Variants in ATIC observed in about 807,000 individuals in gnomAD.
The protein encoded by ATIC is bifunctional purine biosynthesis protein ATIC.
A neutral mutation model predicts 72.5 loss-of-function variants in ATIC; 64 were observed. The observed-to-expected ratio is 0.88, with a 90% CI of 0.72 to 1.09. ATIC has a LOEUF of 1.09. Ranked by LOEUF, ATIC falls within the 50% of genes least tolerant of loss-of-function variation. The pLI is 0.00. For missense variants in ATIC, 787 were observed against 732.4 expected (o/e 1.07, Z -0.86); for synonymous variants, 281 against 267.1 (o/e 1.05, Z -0.51).
intron 2 of ATIC, among the ~76,000 whole-genome samples, chr2:215,316,819 G>T (rs2052714716): frequency 6.6e-6 from 1 of 152,092 alleles, no homozygotes; most frequent in East Asian, 1.9e-4. Context: ...TTGAAATGCA[G>T]TGGCACAATC....
chr2:215,338,894 C>A lies in ATIC; in HGVS notation c.1214C>A (p.Thr405Asn). The change falls in exon 12 of 16, where the codon ACC (threonine) becomes AAC (asparagine). Residue 405 changes from threonine (T) to asparagine (N), a missense_variant. By Grantham distance (65) the Thr-to-Asn change is moderately conservative (BLOSUM62 0). Transcript: ENST00000236959. ...AAGTCATTATTTAGCAATGTTGTTA[C>A]CAAAAATAAAGATGTAAGTTGGGAA... is the stretch of plus-strand genomic sequence containing the variant. ...VDKSLFSNVV[T>N]KNKDLPESAL... The A allele has an allele frequency of 6.2e-7, 1 of 1,613,392 alleles. No homozygotes were observed. Among genetic ancestry groups the A allele is most frequent in the South Asian group, 1.1e-5 (1 of 91,040 alleles).
chr2:215,357,082 C>T, the ATIC span, among the ~76,000 whole-genome samples: 8 of 152,166 alleles, frequency 5.3e-5, no homozygotes, highest in Non-Finnish European at 1.0e-4. Flanking sequence ...CCACCATCGC[C>T]GTACATTTTT....
chr2:215,336,255 G>A (rs139816285), intron 11 of ATIC, 131 bp downstream of exon 11: 2 of 737,298 alleles, frequency 2.7e-6, no homozygotes, highest in Admixed American at 5.2e-5. Context: ...CCCCAATCCT[G>A]CATTTAAAAA....
the ATIC span, chr2:215,367,625 A>G: frequency 1.9e-6 from 1 of 539,744 alleles, no homozygotes; most frequent in Non-Finnish European, 3.3e-6. Context: ...CCATAATCTT[A>G]TGTGTAATTA....
intron 14 of ATIC, among the ~76,000 whole-genome samples, chr2:215,348,141 T>A (rs1188948767): frequency 2.0e-5 from 3 of 152,198 alleles, no homozygotes; most frequent in African/African-American, 7.2e-5. Flanking sequence ...GCCTTATACT[T>A]CTTAATACTG....
At chr2:215,358,703 C>T in the ATIC span, among the ~76,000 whole-genome samples, 3 of 152,130 alleles carry the variant, frequency 2.0e-5, no homozygotes, top group African/African-American at 4.8e-5. Context: ...ATTTGCTATT[C>T]GTTTACTTCA....
At chr2:215,334,100 T>C (rs1207715067) in intron 9 of ATIC, among the ~76,000 whole-genome samples, 1 of 151,982 alleles carries the variant, frequency 6.6e-6, no homozygotes, top group Non-Finnish European at 1.5e-5. Context: ...CAATTGGAAT[T>C]TGGTCAATGT....
In ATIC at chr2:215,333,383, A is replaced by G. The variant is rs769666403; in HGVS notation, c.848A>G (p.Glu283Gly). 6.2e-7 allele frequency: 1 copy of G among 1,614,194 alleles called. No homozygotes were observed. Among genetic ancestry groups the G allele is most frequent in the East Asian group, 2.2e-5 (1 of 44,880 alleles). ...GTTGGAATTCCACTCAGTGAAGATGAGGCCAAAGTCTGCATGGTTTATGAT... is the reference window on the plus strand; with the variant it reads ...GTTGGAATTCCACTCAGTGAAGATGGGGCCAAAGTCTGCATGGTTTATGAT... ...AAVGIPLSEDEAKVCMVYDLY... is the reference protein window; with the variant it reads ...AAVGIPLSEDGAKVCMVYDLY... Residue 283 changes from glutamate (E) to glycine (G), a missense_variant, in exon 9 of 16, where the codon GAG becomes GGG. Coordinates refer to ENST00000236959, the MANE Select transcript of ATIC (RefSeq NM_004044.7).
intron 6 of ATIC, 52 bp from the exon 7 acceptor site, chr2:215,326,770 C>T (rs545258585): frequency 5.5e-5 from 89 of 1,609,728 alleles, no homozygotes; most frequent in Non-Finnish European, 7.3e-5. Flanking sequence ...ACCATCTTGT[C>T]CCCACTTTGG....
the ATIC span, among the ~76,000 whole-genome samples, chr2:215,366,267 A>T: frequency 6.6e-6 from 1 of 152,142 alleles, no homozygotes; most frequent in African/African-American, 2.4e-5. Flanking sequence ...CACTATTAAG[A>T]TTTAAAATTG....
chr2:215,349,069 TCTTC>T (rs1432082895), intron 14 of ATIC, 21 bp from the exon 15 acceptor site: 1 of 1,613,970 alleles, frequency 6.2e-7, no homozygotes, highest in Non-Finnish European at 8.5e-7. Flanking sequence ...AGACCAAGCT[TCTTC>T]CTTTCTCTCT....
the ATIC span, chr2:215,368,063 T>G: frequency 6.2e-7 from 1 of 1,606,908 alleles, no homozygotes; most frequent in East Asian, 2.2e-5. Flanking sequence ...AAAAGAGACA[T>G]CTTATTAATC....
intron 4 of ATIC, among the ~76,000 whole-genome samples, chr2:215,320,885 G>A (rs968917810): frequency 1.3e-5 from 2 of 151,996 alleles, no homozygotes; most frequent in Admixed American, 6.6e-5. Flanking sequence ...CGGCCTGCCC[G>A]GCTCTGTTAA....
chr2:215,315,977 G>T (rs1575112384), intron 2 of ATIC, among the ~76,000 whole-genome samples: 1 of 151,462 alleles, frequency 6.6e-6, no homozygotes, highest in Non-Finnish European at 1.5e-5. Flanking sequence ...AAAGATCTTG[G>T]TTCTGAGGCT....
intron 14 of ATIC, among the ~76,000 whole-genome samples, chr2:215,348,252 C>T (rs1359083643): frequency 6.6e-6 from 1 of 152,196 alleles, no homozygotes; most frequent in Non-Finnish European, 1.5e-5. Flanking sequence ...ACTGCCTTTA[C>T]ATTTAGAATA....
intron 7 of ATIC, among the ~76,000 whole-genome samples, chr2:215,327,774 C>T (rs1015455610): frequency 2.0e-5 from 3 of 152,102 alleles, no homozygotes; most frequent in Admixed American, 1.3e-4. Context: ...GCCTGGGCTT[C>T]CTTTCCCTGT....
At chr2:215,346,108 A>G (rs1424502004) in intron 13 of ATIC, among the ~76,000 whole-genome samples, 1 of 152,216 alleles carries the variant, frequency 6.6e-6, no homozygotes. Context: ...TGGGGCAAAC[A>G]AAAGACTTTC....
At chr2:215,323,083 T>C (rs77353184) in intron 4 of ATIC, among the ~76,000 whole-genome samples, 31,184 of 152,074 alleles carry the variant, frequency 0.21, 3,562 homozygotes, top group East Asian at 0.51. Flanking sequence ...TAGCTGGGAC[T>C]ATAGGCGCCC....
intron 14 of ATIC, chr2:215,347,161 CTCTG>C: frequency 3.4e-6 from 2 of 591,814 alleles, no homozygotes; most frequent in Non-Finnish European, 5.8e-6. Context: ...AACCACAGTC[CTCTG>C]TCTTTTTAAA....
Sources: allele counts gnomAD v4.1 joint callset (sites outside exome capture counted in the v4.1 genomes callset), GRCh38; gene constraint gnomAD v4.1.1; transcripts MANE v1.5; gene names NCBI Gene and HGNC (gene_info 2026-07-23, HGNC 2026-07-21).